MICU2: variants seen among roughly 807,000 people sequenced by gnomAD.
The protein encoded by MICU2 is mitochondrial calcium uptake 2, also known as calcium uptake protein 2, mitochondrial.
Under a neutral mutation model 60.4 loss-of-function variants are expected in MICU2, and 64 were observed. The observed-to-expected ratio is 1.06, with a 90% CI of 0.87 to 1.31. The LOEUF (loss-of-function observed/expected upper bound fraction) is 1.31. Among genes scored for constraint, MICU2 ranks in the 50% most tolerant of loss-of-function variants. The probability of loss-of-function intolerance (pLI) is 0.00; values close to 1 mark genes in which losing one functional copy is unlikely to be tolerated. For synonymous variants in MICU2, 201 were observed against 175.0 expected, an observed-to-expected ratio of 1.15 and a Z score of -1.17; for missense variants, 569 against 531.0, an observed-to-expected ratio of 1.07 and a Z score of -0.70.
chr13:21,597,467 G>A (rs1888718598), intron 1 of MICU2, among the ~76,000 whole-genome samples: 3 of 152,136 alleles, frequency 2.0e-5, no homozygotes, highest in African/African-American at 7.2e-5. Flanking sequence ...ACCGAAGTTA[G>A]AGAAGGTCAC....
intron 1 of MICU2, among the ~76,000 whole-genome samples, chr13:21,581,735 C>T (rs1256012923): frequency 1.3e-5 from 2 of 151,992 alleles, no homozygotes; most frequent in African/African-American, 4.8e-5. Flanking sequence ...TAGTAAAGGT[C>T]TCTTTTAAAA....
chr13:21,571,673 G>A (rs866743577), intron 1 of MICU2, among the ~76,000 whole-genome samples: 14 of 152,348 alleles, frequency 9.2e-5, no homozygotes, highest in African/African-American at 3.1e-4. Context: ...ACTCCGGCTT[G>A]GGCAACAGAG....
chr13:21,571,378 A>C (rs1161836286), intron 1 of MICU2, among the ~76,000 whole-genome samples: 1 of 152,116 alleles, frequency 6.6e-6, no homozygotes, highest in Non-Finnish European at 1.5e-5. Flanking sequence ...TCTCTATAAA[A>C]ATAATAGAAA....
At chr13:21,554,025 C>G (rs1887639520) in intron 2 of MICU2, among the ~76,000 whole-genome samples, 1 of 152,190 alleles carries the variant, frequency 6.6e-6, no homozygotes, top group African/African-American at 2.4e-5. Flanking sequence ...CACCCAGATT[C>G]ATAAAGCAAG....
intron 2 of MICU2, among the ~76,000 whole-genome samples, chr13:21,556,167 C>T (rs2138025846): frequency 6.6e-6 from 1 of 152,280 alleles, no homozygotes; most frequent in East Asian, 1.9e-4. Flanking sequence ...TACACCAATG[C>T]ACCAAAACTG....
chr13:21,493,542 T>C (rs3818314), intron 11 of MICU2, among the ~76,000 whole-genome samples, 189 bp from the exon 12 acceptor site: 42,872 of 152,034 alleles, frequency 0.28, 7,092 homozygotes, highest in East Asian at 0.63. Context: ...AATGTAACTA[T>C]GCTTAAGGTT....
At chr13:21,513,503 C>T (rs1360131270) in intron 7 of MICU2, among the ~76,000 whole-genome samples, 9 of 151,768 alleles carry the variant, frequency 5.9e-5, no homozygotes, top group Admixed American at 1.3e-4. Flanking sequence ...TTTGGGAGGC[C>T]GAAGCGGGCG....
chr13:21,548,353 AC>A (rs1236960795), intron 2 of MICU2, among the ~76,000 whole-genome samples: 2 of 152,226 alleles, frequency 1.3e-5, no homozygotes, highest in Admixed American at 1.3e-4. Context: ...AGGTTTTATT[AC>A]AAAAAAGTGT....
At chr13:21,512,212 G>A (rs1886448034) in intron 7 of MICU2, among the ~76,000 whole-genome samples, 1 of 152,170 alleles carries the variant, frequency 6.6e-6, no homozygotes, top group African/African-American at 2.4e-5. Context: ...ACTAAAGGTG[G>A]TGAATATCCT....
chr13:21,539,545 A>T (rs933058164), intron 3 of MICU2, 112 bp downstream of exon 3: 76 of 1,428,606 alleles, frequency 5.3e-5, no homozygotes, highest in Non-Finnish European at 7.1e-5. Flanking sequence ...TGATCCGCCC[A>T]CCTTGGCCTC....
intron 2 of MICU2, among the ~76,000 whole-genome samples, chr13:21,554,871 A>G (rs1030257119): frequency 3.3e-5 from 5 of 152,198 alleles, no homozygotes; most frequent in African/African-American, 9.6e-5. Context: ...ACAAACTACC[A>G]TCAGAGAATA....
At chr13:21,537,358 T>C (rs1887155453) in intron 4 of MICU2, among the ~76,000 whole-genome samples, 1 of 152,188 alleles carries the variant, frequency 6.6e-6, no homozygotes, top group Non-Finnish European at 1.5e-5. Context: ...CCTTGAAGGA[T>C]TCCCAGAAGT....
In MICU2 at chr13:21,495,178, T is replaced by C; in HGVS notation, c.1183A>G (p.Met395Val). 1.9e-6 allele frequency: 3 copies of C among 1,607,610 alleles called. No homozygotes were observed. Among genetic ancestry groups the C allele is most frequent in the Non-Finnish European group, 2.5e-6 (3 of 1,177,694 alleles). The change falls in exon 11 of 12, where the codon ATG becomes GTG. Residue 395 changes from methionine to valine, a missense_variant. Transcript: ENST00000382374. ...TCTGTTACCCATAAACCTCGATGCA[T>C]TCTGTTTTTTAACACCCCAAGAAAC... is the stretch of plus-strand genomic sequence containing the variant. Reference protein sequence around the residue: ...EEFLGVLKNRMHRGLWVPQHQ... With the variant: ...EEFLGVLKNRVHRGLWVPQHQ...
chr13:21,542,659 T>G (rs1887312907), intron 2 of MICU2, among the ~76,000 whole-genome samples: 1 of 152,218 alleles, frequency 6.6e-6, no homozygotes, highest in Non-Finnish European at 1.5e-5. Flanking sequence ...GGGGTTTTTG[T>G]TTTTGTAGGA....
intron 4 of MICU2, among the ~76,000 whole-genome samples, chr13:21,523,716 G>T (rs1320137824): frequency 6.6e-6 from 1 of 152,162 alleles, no homozygotes; most frequent in African/African-American, 2.4e-5. Context: ...CACTAGTCTG[G>T]CTCCAGGGAC....
chr13:21,564,557 A>G (rs944119249), intron 2 of MICU2, among the ~76,000 whole-genome samples: 4 of 152,134 alleles, frequency 2.6e-5, no homozygotes, highest in Non-Finnish European at 4.4e-5. Context: ...GTGACTGTGA[A>G]GGGATGTACC....
intron 1 of MICU2, among the ~76,000 whole-genome samples, chr13:21,576,238 G>T (rs144117091): frequency 1.3e-5 from 2 of 152,156 alleles, no homozygotes; most frequent in Non-Finnish European, 2.9e-5. Context: ...CTAGCAACAG[G>T]TCTGGTATCT....
At chr13:21,524,726 T>C (rs552311779) in intron 4 of MICU2, among the ~76,000 whole-genome samples, 1 of 152,348 alleles carries the variant, frequency 6.6e-6, no homozygotes, top group South Asian at 2.1e-4. Flanking sequence ...TTTTTCATCA[T>C]GCTAAACAGA....
At chr13:21,580,439 T>C (rs1373225704) in intron 1 of MICU2, among the ~76,000 whole-genome samples, 3 of 152,154 alleles carry the variant, frequency 2.0e-5, no homozygotes, top group Admixed American at 2.0e-4. Context: ...GCGAATCTAC[T>C]CCTGTGTCTT....
Sources: allele counts gnomAD v4.1 joint callset (sites outside exome capture counted in the v4.1 genomes callset), GRCh38; gene constraint gnomAD v4.1.1; transcripts MANE v1.5; gene names NCBI Gene and HGNC (gene_info 2026-07-23, HGNC 2026-07-21).